Variants in ELL2 observed in about 807,000 individuals in gnomAD.
ELL2 encodes the protein RNA polymerase II elongation factor ELL2.
A neutral mutation model predicts 72.8 loss-of-function variants in ELL2; 21 were observed. The observed-to-expected ratio is 0.29, with a 90% CI of 0.20 to 0.42. The LOEUF (loss-of-function observed/expected upper bound fraction) is 0.42, where lower values mean the gene tolerates loss of function less well. ELL2 is among the 10% of genes least tolerant of loss of function. The pLI is 1.00. For synonymous variants in ELL2, 266 were observed against 283.2 expected, an observed-to-expected ratio of 0.94 and a Z score of 0.61; for missense variants, 568 against 772.8, an observed-to-expected ratio of 0.73 and a Z score of 3.14.
chr5:95,911,295 A>G (rs1475289813), intron 4 of ELL2, among the ~76,000 whole-genome samples: 4 of 152,156 alleles, frequency 2.6e-5, no homozygotes, highest in African/African-American at 4.8e-5. Context: ...AAAAAAGCCA[A>G]TCAGGATACT....
chr5:95,914,780 G>A (rs1027908241), intron 3 of ELL2, among the ~76,000 whole-genome samples: 6 of 152,156 alleles, frequency 3.9e-5, no homozygotes, highest in African/African-American at 1.4e-4. Context: ...AGGATGTGAA[G>A]GTTGCAGTAA....
intron 4 of ELL2, among the ~76,000 whole-genome samples, chr5:95,908,441 A>G (rs1749458185): frequency 6.6e-6 from 1 of 152,244 alleles, no homozygotes; most frequent in Non-Finnish European, 1.5e-5. Context: ...TTATGAACAA[A>G]TGCCTAATGT....
chr5:95,902,863 C>A (rs540208342), intron 5 of ELL2, among the ~76,000 whole-genome samples: 7 of 152,212 alleles, frequency 4.6e-5, no homozygotes, highest in Admixed American at 4.6e-4. Context: ...CTCACTGCAG[C>A]CTTGACTTCT....
chr5:95,906,508 T>C lies in ELL2; in HGVS notation c.741+15A>G. On this transcript the variant is annotated intron_variant, in intron 5 of 11. Transcript: ENST00000237853. Reference sequence around the variant, plus strand: ...AGAAGGTAAGCAGGAAGGACCTCTCTCCAGCTGTCCTCACCTGTTGCAGAA... The same window carrying C: ...AGAAGGTAAGCAGGAAGGACCTCTCCCCAGCTGTCCTCACCTGTTGCAGAA... 1 of 1,591,902 alleles carries C rather than the reference T, an allele frequency of 6.3e-7. No homozygotes were observed. The highest frequency in any genetic ancestry group is 8.6e-7 in the Non-Finnish European group (1 of 1,164,330).
rs1011532633 is a variant in ELL2 at position 95,898,451 on chromosome 5, T to C, written c.1314A>G (p.Leu438=). The C allele has an allele frequency of 6.2e-7, 1 of 1,613,600 alleles. No individual in the cohort carries two copies. The highest frequency in any genetic ancestry group is 8.5e-7 in the Non-Finnish European group (1 of 1,179,894). The change falls in exon 8 of 12, where the codon TTA becomes TTG. Residue 438 remains leucine (L), a synonymous_variant. Transcript: ENST00000237853. ...KYTSRTSLET[L]PPGSVLLKCP... is the part of the protein sequence containing the mutation. ...ACTTTAGTAGAACGGAACCAGGGGG[T>C]AAGGTTTCCAGAGAAGTCCTAGAGG...
At chr5:95,952,220 G>A (rs749860565) in intron 1 of ELL2, among the ~76,000 whole-genome samples, 1 of 152,102 alleles carries the variant, frequency 6.6e-6, no homozygotes, top group Admixed American at 6.5e-5. Context: ...AACAAATACT[G>A]TATGTTTGCA....
At chr5:95,892,545 C>T (rs1561487944) in intron 9 of ELL2, among the ~76,000 whole-genome samples, 1 of 152,170 alleles carries the variant, frequency 6.6e-6, no homozygotes, top group African/African-American at 2.4e-5. Context: ...ATCATTAATG[C>T]AAACTTCCCT....
rs773972285 is a variant in ELL2, at chr5:95,900,718, C to T, written c.929G>A (p.Ser310Asn). The T allele has an allele frequency of 2.2e-5, 35 of 1,604,928 alleles. No individual in the cohort carries two copies. The highest frequency in any genetic ancestry group is 2.8e-5 in the Non-Finnish European group (33 of 1,176,458). The part of the protein sequence containing the change: ...TSRSESPVCS[S>N]RDAVSSPQKR... ...CTGAGGAGAAGATACAGCGTCTCTA[C>T]TAGAACATACAGGAGATTCTGAACG... Residue 310 changes from serine (S) to asparagine (N), a missense_variant, in exon 7 of 12, where the codon AGT (serine) becomes AAT (asparagine). Ser to Asn is a conservative substitution (Grantham distance 46). This residue lies in a region of ELL2 where 511 missense variants were observed against 728.4 expected (regional missense o/e 0.70). Coordinates refer to ENST00000237853, the MANE Select transcript of ELL2 (RefSeq NM_012081.6).
Position 95,898,368 on chromosome 5 carries a change from G to A in ELL2, c.1397C>T (p.Ser466Phe), listed in dbSNP as rs1227865463. The A allele has an allele frequency of 6.2e-7, 1 of 1,613,370 alleles. No homozygotes were observed. Among genetic ancestry groups the A allele is most frequent in the South Asian group, 1.1e-5 (1 of 91,040 alleles). Reference protein sequence around the residue: ...SMSHKKSKKKSKKHKEKDQIK... With the variant: ...SMSHKKSKKKFKKHKEKDQIK... ...TTGGTCCTTTTCCTTATGTTTTTTA[G>A]ACTTCTTTTTGGACTTTTTGTGAGA... The change falls in exon 8 of 12, where the codon TCT (serine) becomes TTT (phenylalanine). Residue 466 changes from serine (S) to phenylalanine (F), a missense_variant. Ser to Phe is a radical substitution (Grantham distance 155, BLOSUM62 -2). Around this residue, in one of 2 missense-constraint regions of ELL2, gnomAD observed 511 missense variants for 728.4 expected, o/e 0.70. Transcript: ENST00000237853.
At chr5:95,927,076 G>A (rs1466469482) in intron 2 of ELL2, among the ~76,000 whole-genome samples, 1 of 151,990 alleles carries the variant, frequency 6.6e-6, no homozygotes, top group African/African-American at 2.4e-5. Flanking sequence ...CATATTAACT[G>A]AGTACTACTG....
At chr5:95,890,894 G>T (rs1748636622) in intron 10 of ELL2, 1 of 591,794 alleles carries the variant, frequency 1.7e-6, no homozygotes, top group African/African-American at 1.9e-5. Context: ...AGTGGCACAA[G>T]GTTTTTTTCC....
At chr5:95,924,048 A>T (rs1750195670) in intron 2 of ELL2, among the ~76,000 whole-genome samples, 1 of 152,174 alleles carries the variant, frequency 6.6e-6, no homozygotes, top group Non-Finnish European at 1.5e-5. Context: ...GTGAGAGGGA[A>T]GCTTTAGAAC....
intron 1 of ELL2, among the ~76,000 whole-genome samples, chr5:95,948,198 AG>A (rs1355706158): frequency 2.6e-5 from 4 of 152,118 alleles, no homozygotes; most frequent in African/African-American, 9.7e-5. Flanking sequence ...GCACTTTGGG[AG>A]GCTGGGCGGA....
chr5:95,947,267 A>G (rs3777171), intron 1 of ELL2, among the ~76,000 whole-genome samples: 42,678 of 152,092 alleles, frequency 0.28, 6,919 homozygotes, highest in African/African-American at 0.45. Context: ...CACTATACAC[A>G]CTGTACACAT....
At position 95,948,429 on chromosome 5, in the gene ELL2, C is replaced by CAAAAAAAAAAAAAA. The variant is rs1187881368; in HGVS notation, c.148-5394_148-5381dup. Among the ~76,000 whole-genome samples the CAAAAAAAAAAAAAA allele has an allele frequency of 2.0e-3, 72 of 35,224 alleles. 11 individuals are homozygous for CAAAAAAAAAAAAAA. The highest frequency in any genetic ancestry group is 7.1e-3 in the African/African-American group (59 of 8,268). 23.1% of individuals were successfully genotyped at this position (35,224 alleles called of 152,430 possible). On this transcript the variant is annotated intron_variant, in intron 1 of 11. Coordinates refer to ENST00000237853, the MANE Select transcript of ELL2 (RefSeq NM_012081.6). ...TGGGCAACAGAGCGAGACTCCGCCT[C>CAAAAAAAAAAAAAA]AAAAAAAAAAAAAAAAAAAAAAAAG... is the stretch of plus-strand genomic sequence containing the variant.
chr5:95,907,260 A>G (rs1749396951), intron 4 of ELL2, among the ~76,000 whole-genome samples: 1 of 146,008 alleles, frequency 6.8e-6, no homozygotes, highest in African/African-American at 2.6e-5. Context: ...GGTCAACATC[A>G]TGAGGCATCC....
intron 1 of ELL2, among the ~76,000 whole-genome samples, chr5:95,944,112 C>T (rs1196948623): frequency 6.6e-6 from 1 of 152,178 alleles, no homozygotes; most frequent in Non-Finnish European, 1.5e-5. Context: ...TCAGCTATAG[C>T]ACATCACCTA....
chr5:95,888,970 A>C lies in ELL2; in HGVS notation c.1824T>G (p.His608Gln). 6.3e-7 allele frequency: 1 copy of C among 1,575,794 alleles called. No homozygotes were observed. Among genetic ancestry groups the C allele is most frequent in the Non-Finnish European group, 8.7e-7 (1 of 1,153,464 alleles). Reference sequence around the variant, plus strand: ...GATATTCACATCTGTATTTTTCTTCATGGTAATTGGGACTAGACTGCAGAT... The same window carrying C: ...GATATTCACATCTGTATTTTTCTTCCTGGTAATTGGGACTAGACTGCAGAT... ...QKIKQSSPNY[H>Q]EEKYRCEYLH... Residue 608 changes from histidine (H) to glutamine (Q), a missense_variant, in exon 12 of 12, where the codon CAT becomes CAG. Transcript: ENST00000237853.
intron 2 of ELL2, among the ~76,000 whole-genome samples, chr5:95,922,335 T>A (rs1409827931): frequency 6.6e-6 from 1 of 152,232 alleles, no homozygotes; most frequent in African/African-American, 2.4e-5. Context: ...GTGCTGGGAT[T>A]ACAGGCGTGA....
Sources: allele counts gnomAD v4.1 joint callset (sites outside exome capture counted in the v4.1 genomes callset), GRCh38; gene constraint gnomAD v4.1.1; regional missense constraint gnomAD v4.1.1; transcripts MANE v1.5; gene names NCBI Gene and HGNC (gene_info 2026-07-23, HGNC 2026-07-21).